Variants in RAB2A observed in about 807,000 individuals in gnomAD.
The protein encoded by RAB2A is ras-related protein Rab-2A.
A neutral mutation model predicts 32.5 loss-of-function variants in RAB2A; 7 were observed. The observed-to-expected ratio is 0.22, with a 90% CI of 0.12 to 0.40. The LOEUF (loss-of-function observed/expected upper bound fraction) is 0.40. Among genes scored for constraint, RAB2A ranks in the 10% least tolerant of loss-of-function variants. The probability of loss-of-function intolerance (pLI) is 1.00; values close to 1 mark genes in which losing one functional copy is unlikely to be tolerated. For synonymous variants in RAB2A, 79 were observed against 85.2 expected (o/e 0.93, Z 0.40); for missense variants, 108 against 260.7 (o/e 0.41, Z 4.03).
intron 1 of RAB2A, among the ~76,000 whole-genome samples, chr8:60,553,461 G>A (rs767990540): frequency 2.6e-5 from 4 of 152,160 alleles, no homozygotes; most frequent in Non-Finnish European, 5.9e-5. Flanking sequence ...CAAAAAGACC[G>A]TCATTTTGTT....
At chr8:60,557,237 C>T (rs1029366285) in intron 1 of RAB2A, among the ~76,000 whole-genome samples, 2 of 152,144 alleles carry the variant, frequency 1.3e-5, no homozygotes, top group South Asian at 2.1e-4. Flanking sequence ...CCATCCCAGC[C>T]GGGCATGGTA....
intron 1 of RAB2A, among the ~76,000 whole-genome samples, chr8:60,539,224 T>C (rs916462703): frequency 5.9e-5 from 9 of 152,180 alleles, no homozygotes; most frequent in Admixed American, 1.3e-4. Context: ...AAGCTAGATA[T>C]ATAAACTGAT....
intron 6 of RAB2A, among the ~76,000 whole-genome samples, chr8:60,602,466 A>G (rs1339019864): frequency 6.6e-6 from 1 of 152,236 alleles, no homozygotes; most frequent in Non-Finnish European, 1.5e-5. Context: ...ATATTGGAAA[A>G]CAAGTATTTA....
chr8:60,621,723 A>G lies in RAB2A; in HGVS notation c.*954A>G, dbSNP rs1369113091. 2.0e-5 allele frequency: 3 copies of G among 152,176 alleles called. No homozygotes were observed. The highest frequency in any genetic ancestry group is 4.4e-5 in the Non-Finnish European group (3 of 68,014). The allele number at this position is 152,176 out of a possible 1,614,324, so 9.4% of individuals were successfully genotyped here. On this transcript the variant is annotated 3_prime_UTR_variant, in exon 8 of 8. Transcript: ENST00000262646. ...TCTTTTATTCACATGATTTCTAAGT[A>G]TATTTTTCATGCAGGACAGTTTTTC...
intron 1 of RAB2A, among the ~76,000 whole-genome samples, chr8:60,524,567 T>A (rs1181388112): frequency 1.3e-5 from 2 of 152,234 alleles, no homozygotes; most frequent in Non-Finnish European, 2.9e-5. Flanking sequence ...TACTTTTCAC[T>A]TGTAAGTAAG....
At chr8:60,543,585 A>G (rs1004615606) in intron 1 of RAB2A, among the ~76,000 whole-genome samples, 7 of 152,096 alleles carry the variant, frequency 4.6e-5, no homozygotes, top group African/African-American at 1.4e-4. Flanking sequence ...AGTCACATTC[A>G]TGGTTCTAGG....
chr8:60,569,894 A>G lies in RAB2A; in HGVS notation c.119-2152A>G, dbSNP rs879051890. The G allele has an allele frequency of 2.7e-4, 122 of 444,610 alleles. 2 individuals carry two copies. The highest frequency in any genetic ancestry group is 1.9e-3 in the South Asian group (118 of 63,090). The allele number at this position is 444,610 out of a possible 1,614,324, so 27.5% of individuals were successfully genotyped here. A position where few individuals can be genotyped will look rare whatever the true frequency, so the allele number is the denominator to read the frequency against. ...AGGTAAGCAAAGAGAATATTCTAGA[A>G]TGTCTGTAGTTATGTATGGAACCTA... On this transcript the variant is annotated intron_variant, in intron 2 of 7. Coordinates refer to ENST00000262646, the MANE Select transcript of RAB2A (RefSeq NM_002865.3).
intron 1 of RAB2A, among the ~76,000 whole-genome samples, chr8:60,556,023 A>G (rs144857931): frequency 8.5e-4 from 129 of 152,378 alleles, no homozygotes; most frequent in African/African-American, 2.9e-3. Context: ...AATACTATTC[A>G]GCCATAAAAA....
chr8:60,519,261 C>T (rs1270873366), intron 1 of RAB2A, among the ~76,000 whole-genome samples: 1 of 152,212 alleles, frequency 6.6e-6, no homozygotes, highest in African/African-American at 2.4e-5. Context: ...TGTTTGCTCA[C>T]AATTTTTAGT....
intron 1 of RAB2A, among the ~76,000 whole-genome samples, chr8:60,555,913 T>C (rs1299807138): frequency 6.6e-6 from 1 of 152,208 alleles, no homozygotes; most frequent in African/African-American, 2.4e-5. Flanking sequence ...CACTCCCATG[T>C]TTGTTGCAGC....
chr8:60,556,855 A>G (rs577216722), intron 1 of RAB2A, among the ~76,000 whole-genome samples: 65 of 152,220 alleles, frequency 4.3e-4, no homozygotes, highest in Non-Finnish European at 7.4e-4. Context: ...TGATTCTTGA[A>G]GTCTCTCAAG....
intron 1 of RAB2A, among the ~76,000 whole-genome samples, chr8:60,531,377 C>G (rs1049308533): frequency 1.3e-5 from 2 of 152,146 alleles, no homozygotes. Flanking sequence ...AAGTTCATAC[C>G]TCTTCAGTTT....
At chr8:60,540,442 G>T (rs1026340401) in intron 1 of RAB2A, among the ~76,000 whole-genome samples, 3 of 152,064 alleles carry the variant, frequency 2.0e-5, no homozygotes, top group East Asian at 3.9e-4. Flanking sequence ...TTCCATTTCT[G>T]AAAAGTGTAT....
intron 1 of RAB2A, among the ~76,000 whole-genome samples, chr8:60,534,451 G>A (rs1807527442): frequency 6.6e-6 from 1 of 152,156 alleles, no homozygotes; most frequent in African/African-American, 2.4e-5. Context: ...TCCAGCCTGG[G>A]CAGTGTAGTA....
At chr8:60,585,312 G>GTTTTC (rs1337908141) in intron 5 of RAB2A, among the ~76,000 whole-genome samples, 19 of 151,392 alleles carry the variant, frequency 1.3e-4, no homozygotes, top group African/African-American at 4.6e-4. Flanking sequence ...GTTTTGTTTT[G>GTTTTC]TTTTGTTTTG....
intron 5 of RAB2A, among the ~76,000 whole-genome samples, chr8:60,588,938 A>G (rs1428480130): frequency 4.6e-5 from 7 of 152,220 alleles, no homozygotes; most frequent in Non-Finnish European, 8.8e-5. Flanking sequence ...AACATTGTTT[A>G]CTTCTTTGTG....
intron 5 of RAB2A, among the ~76,000 whole-genome samples, chr8:60,588,149 G>A (rs1455768249): frequency 1.3e-5 from 2 of 152,080 alleles, no homozygotes; most frequent in Non-Finnish European, 2.9e-5. Flanking sequence ...TGAACATGGT[G>A]GTACATACTT....
At chr8:60,574,796 A>G (rs1259455896) in intron 3 of RAB2A, among the ~76,000 whole-genome samples, 1 of 152,124 alleles carries the variant, frequency 6.6e-6, no homozygotes, top group African/African-American at 2.4e-5. Flanking sequence ...ATAATTTCTT[A>G]TGCTGGACAG....
intron 5 of RAB2A, among the ~76,000 whole-genome samples, chr8:60,590,824 A>G (rs921958664): frequency 1.3e-5 from 2 of 151,506 alleles, no homozygotes; most frequent in African/African-American, 4.8e-5. Context: ...TGAATTTTTA[A>G]AGACATGAAA....
Sources: gnomAD v4.1 joint callset for allele counts (sites outside exome capture counted in the v4.1 genomes callset) on GRCh38, gnomAD v4.1.1 for gene constraint, MANE v1.5 for transcripts, NCBI Gene and HGNC (gene_info 2026-07-23, HGNC 2026-07-21) for gene names.